CMIP: variants seen among roughly 807,000 people sequenced by gnomAD.
CMIP encodes C-Maf-inducing protein.
In CMIP, 13 loss-of-function variants were observed where a neutral mutation model predicts 97.3. That is an observed-to-expected ratio of 0.13 (90% CI 0.09 to 0.21). The LOEUF (loss-of-function observed/expected upper bound fraction) is 0.21, where lower values mean the gene tolerates loss of function less well. CMIP is among the 10% of genes least tolerant of loss of function. CMIP has a pLI of 1.00. For missense variants in CMIP, 847 were observed against 1,024.9 expected (o/e 0.83, Z 2.37); for synonymous variants, 538 against 436.3 (o/e 1.23, Z -2.91).
At chr16:81,607,185 A>G (rs1208692629) in intron 1 of CMIP, among the ~76,000 whole-genome samples, 1 of 152,196 alleles carries the variant, frequency 6.6e-6, no homozygotes, top group East Asian at 1.9e-4. Flanking sequence ...GAGGGAGAAG[A>G]GAAATCGGTG....
At chr16:81,541,934 G>A (rs2090457103) in intron 1 of CMIP, among the ~76,000 whole-genome samples, 1 of 152,190 alleles carries the variant, frequency 6.6e-6, no homozygotes, top group African/African-American at 2.4e-5. Flanking sequence ...TCTATTTCAT[G>A]TTTTAATTTT....
intron 1 of CMIP, among the ~76,000 whole-genome samples, chr16:81,478,752 G>A (rs780283889): frequency 7.9e-5 from 12 of 152,172 alleles, no homozygotes; most frequent in African/African-American, 2.9e-4. Flanking sequence ...AGGTGTGGAC[G>A]TTGAGGGCCA....
At chr16:81,497,602 G>A (rs936544332) in intron 1 of CMIP, among the ~76,000 whole-genome samples, 6 of 152,238 alleles carry the variant, frequency 3.9e-5, no homozygotes, top group African/African-American at 7.2e-5. Flanking sequence ...TGCCGGTGAT[G>A]CCCAGGCCTC....
intron 1 of CMIP, among the ~76,000 whole-genome samples, chr16:81,602,239 G>A (rs889576861): frequency 6.6e-6 from 1 of 151,542 alleles, no homozygotes; most frequent in South Asian, 2.1e-4. Flanking sequence ...ATCTATGTGC[G>A]ATAATGTGGG....
chr16:81,515,468 C>A (rs1393723747), intron 1 of CMIP, among the ~76,000 whole-genome samples: 1 of 152,156 alleles, frequency 6.6e-6, no homozygotes, highest in Non-Finnish European at 1.5e-5. Flanking sequence ...CACTGGGCTT[C>A]TGTTTCAGAG....
chr16:81,676,714 T>G (rs1904321020), intron 9 of CMIP, among the ~76,000 whole-genome samples: 1 of 152,232 alleles, frequency 6.6e-6, no homozygotes. Context: ...CAGGCCTGGT[T>G]CCTGGCATGT....
At chr16:81,522,054 T>TG (rs1326730574) in intron 1 of CMIP, among the ~76,000 whole-genome samples, 1 of 152,220 alleles carries the variant, frequency 6.6e-6, no homozygotes, top group Admixed American at 6.5e-5. Flanking sequence ...AGGAGCCAAG[T>TG]GCAGACGGAT....
chr16:81,559,873 C>T (rs559448254), intron 1 of CMIP, among the ~76,000 whole-genome samples: 1 of 152,210 alleles, frequency 6.6e-6, no homozygotes, highest in East Asian at 1.9e-4. Context: ...TGGGGCTGGG[C>T]GTGGTGGCTC....
At chr16:81,672,102 C>A in intron 9 of CMIP, 32 bp downstream of exon 9, 1 of 1,366,232 alleles carries the variant, frequency 7.3e-7, no homozygotes. Flanking sequence ...ACCCAGAGGG[C>A]TTGGGAGGGG....
chr16:81,607,358 G>A (rs187589380), intron 1 of CMIP, among the ~76,000 whole-genome samples: 1 of 152,226 alleles, frequency 6.6e-6, no homozygotes, highest in Non-Finnish European at 1.5e-5. Context: ...AAACGTGTGG[G>A]TGGAGTTTTA....
intron 1 of CMIP, among the ~76,000 whole-genome samples, chr16:81,494,712 A>G (rs1040645993): frequency 3.3e-5 from 5 of 152,214 alleles, no homozygotes; most frequent in African/African-American, 1.2e-4. Context: ...GGCCAACTGC[A>G]AAGCCTGTGC....
intron 1 of CMIP, among the ~76,000 whole-genome samples, chr16:81,589,080 T>TC (rs2091427317): frequency 6.6e-6 from 1 of 152,056 alleles, no homozygotes; most frequent in South Asian, 2.1e-4. Flanking sequence ...TTTTTTTTTT[T>TC]CCTTTTCTTT....
chr16:81,493,201 G>A (rs1212308514), intron 1 of CMIP, among the ~76,000 whole-genome samples: 2 of 152,100 alleles, frequency 1.3e-5, no homozygotes, highest in Non-Finnish European at 2.9e-5. Context: ...AGGGGTGATG[G>A]AGCCACCACA....
intron 3 of CMIP, among the ~76,000 whole-genome samples, chr16:81,625,833 C>T (rs931629115): frequency 6.6e-6 from 1 of 152,154 alleles, no homozygotes; most frequent in African/African-American, 2.4e-5. Flanking sequence ...GTTCCTCAGG[C>T]CGAGGCACAC....
At chr16:81,700,478 A>G (rs972221813) in intron 15 of CMIP, 2 of 152,528 alleles carry the variant, frequency 1.3e-5, no homozygotes, top group Admixed American at 6.5e-5. Flanking sequence ...GGCAGAAGCC[A>G]TGTCACTTTT....
intron 1 of CMIP, among the ~76,000 whole-genome samples, chr16:81,555,507 A>G (rs1167620399): frequency 6.6e-6 from 1 of 152,196 alleles, no homozygotes; most frequent in Non-Finnish European, 1.5e-5. Context: ...AGTGTGCACA[A>G]CAAAAGGGTC....
intron 20 of CMIP, among the ~76,000 whole-genome samples, chr16:81,708,033 T>C (rs1418393502): frequency 1.3e-5 from 2 of 152,272 alleles, no homozygotes; most frequent in African/African-American, 4.8e-5. Context: ...CTCTGCTGTG[T>C]ACCAGGCCCA....
chr16:81,520,017 C>A, intron 1 of CMIP: 1 of 152,774 alleles, frequency 6.5e-6, no homozygotes, highest in Non-Finnish European at 1.5e-5. Context: ...GGCTTTGCGG[C>A]AGGGGTGCAG....
At chr16:81,535,867 A>C (rs185208866) in intron 1 of CMIP, among the ~76,000 whole-genome samples, 171 of 152,310 alleles carry the variant, frequency 1.1e-3, no homozygotes, top group Middle Eastern at 3.4e-3. Flanking sequence ...ACAAGCTCCT[A>C]GGACTCCAGG....
Sources: gnomAD v4.1 joint callset for allele counts (sites outside exome capture counted in the v4.1 genomes callset) on GRCh38, gnomAD v4.1.1 for gene constraint, MANE v1.5 for transcripts, NCBI Gene and HGNC (gene_info 2026-07-23, HGNC 2026-07-21) for gene names.